The following DNAI4 variants were observed in gnomAD, a reference collection of about 807,000 sequenced individuals.
DNAI4 encodes WD repeat domain 78.
A neutral mutation model predicts 105.8 loss-of-function variants in DNAI4; 85 were observed. The ratio of observed to expected loss-of-function variants is 0.80; its 90% CI spans 0.67 to 0.96. DNAI4 has a LOEUF of 0.96. Ranked by LOEUF, DNAI4 falls within the 40% of genes least tolerant of loss-of-function variation. DNAI4 has a pLI of 0.00. For missense variants in DNAI4, 1,014 were observed against 1,005.6 expected (o/e 1.01, Z -0.11); for synonymous variants, 352 against 331.5 (o/e 1.06, Z -0.67).
At chr1:66,841,001 G>A (rs1646137967) in intron 8 of DNAI4, among the ~76,000 whole-genome samples, 1 of 152,144 alleles carries the variant, frequency 6.6e-6, no homozygotes. Flanking sequence ...AAGGTGCCAG[G>A]TACAACTTAT....
At chr1:66,819,594 C>T (rs891697461) in intron 16 of DNAI4, among the ~76,000 whole-genome samples, 2 of 151,974 alleles carry the variant, frequency 1.3e-5, no homozygotes, top group African/African-American at 4.8e-5. Context: ...CCAAGGGGCT[C>T]ATACTAGTAA....
Position 66,835,117 on chromosome 1 carries a change from G to A in DNAI4, c.1733+509C>T, listed in dbSNP as rs544712795. Among the ~76,000 whole-genome samples, 23 of 152,128 alleles carry A rather than the reference G, an allele frequency of 1.5e-4. 1 individual carries two copies. The South Asian group carries it at 4.8e-3, about 32-fold the overall frequency. On this transcript the variant is annotated intron_variant, in intron 11 of 16. Coordinates refer to ENST00000371026, the MANE Select transcript of DNAI4 (RefSeq NM_024763.5). ...ACTGGACTCCTGTTACATGTCCCAT[G>A]TTATATGACATGCTGATGACAGAAA...
intron 4 of DNAI4, among the ~76,000 whole-genome samples, chr1:66,878,707 C>T (rs955434032): frequency 2.0e-4 from 30 of 152,132 alleles, no homozygotes; most frequent in African/African-American, 6.5e-4. Context: ...TCCCTTCTTG[C>T]TTTCTGTAAT....
intron 16 of DNAI4, among the ~76,000 whole-genome samples, chr1:66,816,612 C>T (rs906537295): frequency 6.6e-6 from 1 of 151,898 alleles, no homozygotes; most frequent in East Asian, 1.9e-4. Flanking sequence ...AACCCTAAGC[C>T]TTTCAAATAT....
At chr1:66,846,698 A>G (rs1460417216) in intron 8 of DNAI4, among the ~76,000 whole-genome samples, 1 of 152,210 alleles carries the variant, frequency 6.6e-6, no homozygotes, top group East Asian at 1.9e-4. Flanking sequence ...TGAGTGGTTT[A>G]GGATACATCA....
At chr1:66,892,212 G>GTT in intron 3 of DNAI4, among the ~76,000 whole-genome samples, 1 of 152,152 alleles carries the variant, frequency 6.6e-6, no homozygotes. Flanking sequence ...AGGATGTAAA[G>GTT]TTTATTGGAA....
intron 8 of DNAI4, among the ~76,000 whole-genome samples, chr1:66,841,398 A>C (rs1181961840): frequency 6.6e-6 from 1 of 152,358 alleles, no homozygotes; most frequent in East Asian, 1.9e-4. Context: ...GCTATGCACC[A>C]GGTACAAGAG....
intron 1 of DNAI4, among the ~76,000 whole-genome samples, chr1:66,910,707 T>C (rs755602410): frequency 3.3e-5 from 5 of 152,244 alleles, no homozygotes; most frequent in Non-Finnish European, 5.9e-5. Context: ...CCTTAGAACT[T>C]TTTACTATCT....
intron 7 of DNAI4, 139 bp downstream of exon 7, chr1:66,862,008 A>G: frequency 1.3e-6 from 1 of 782,264 alleles, no homozygotes; most frequent in Non-Finnish European, 2.0e-6. Flanking sequence ...CATGTGATAG[A>G]GTAATAGTGC....
chr1:66,896,265 G>A (rs1648330777), intron 2 of DNAI4, among the ~76,000 whole-genome samples: 2 of 152,090 alleles, frequency 1.3e-5, no homozygotes, highest in African/African-American at 2.4e-5. Context: ...TTTTTTAAAA[G>A]CTTTTTTACA....
intron 7 of DNAI4, among the ~76,000 whole-genome samples, chr1:66,856,452 G>A (rs1246070087): frequency 1.3e-5 from 2 of 151,824 alleles, no homozygotes; most frequent in African/African-American, 2.4e-5. Flanking sequence ...CAGCCTGGGC[G>A]ACAGAGCGAG....
At chr1:66,895,987 C>T (rs1925407) in intron 2 of DNAI4, among the ~76,000 whole-genome samples, 118,088 of 152,058 alleles carry the variant, frequency 0.78, 46,142 homozygotes, top group East Asian at 0.95. Context: ...GATTTCTCTA[C>T]GTTTGCAAGT....
intron 2 of DNAI4, among the ~76,000 whole-genome samples, chr1:66,902,548 T>G (rs1648912813): frequency 6.6e-6 from 1 of 152,166 alleles, no homozygotes; most frequent in Non-Finnish European, 1.5e-5. Context: ...AGACAGAAAT[T>G]TCTAATTTTA....
intron 15 of DNAI4, among the ~76,000 whole-genome samples, chr1:66,822,820 G>A (rs929949972): frequency 6.6e-5 from 10 of 151,976 alleles, no homozygotes; most frequent in African/African-American, 2.4e-4. Context: ...GTACCCAGAG[G>A]TTTGGTCAAA....
chr1:66,907,787 C>T (rs574899011), intron 1 of DNAI4, among the ~76,000 whole-genome samples: 1 of 152,306 alleles, frequency 6.6e-6, no homozygotes, highest in East Asian at 1.9e-4. Context: ...TTTTACCTGC[C>T]TTGCTACTTC....
At chr1:66,921,163 T>C (rs1000229669) in intron 1 of DNAI4, 2 of 152,150 alleles carry the variant, frequency 1.3e-5, no homozygotes, top group Admixed American at 6.5e-5. Flanking sequence ...GTGAGTAATG[T>C]AAGCAGAGAT....
chr1:66,871,059 A>G (rs920015773), intron 6 of DNAI4: 1 of 280,760 alleles, frequency 3.6e-6, no homozygotes, highest in African/African-American at 2.2e-5. Context: ...TTAAAATGTT[A>G]ATAGTTATGG....
At chr1:66,865,094 A>G (rs1646704965) in intron 6 of DNAI4, among the ~76,000 whole-genome samples, 1 of 152,206 alleles carries the variant, frequency 6.6e-6, no homozygotes, top group Non-Finnish European at 1.5e-5. Context: ...GAAAGTTTAC[A>G]CTAAAGAATT....
In DNAI4 at chr1:66,893,083, A is replaced by AAAAG. The variant is rs1557965528; in HGVS notation, c.530+145_530+146insCTTT. 6.1e-5 allele frequency: 24 copies of AAAAG among 392,104 alleles called. 1 individual carries two copies. Among genetic ancestry groups the AAAAG allele is most frequent in the African/African-American group, 5.2e-4 (23 of 44,612 alleles). 24.3% of individuals were successfully genotyped at this position (392,104 alleles called of 1,614,324 possible). A position where few individuals can be genotyped will look rare whatever the true frequency, so the allele number is the denominator to read the frequency against. ...AGAGAGAGAAAGAAAGAAAGAAAGA[A>AAAAG]AGAAAGAAAGAAAGAAAGAAAGAAA... is the stretch of plus-strand genomic sequence containing the variant. On this transcript the variant is annotated intron_variant, in intron 3 of 16. Transcript: ENST00000371026.
Sources: gnomAD v4.1 joint callset for allele counts (sites outside exome capture counted in the v4.1 genomes callset) on GRCh38, gnomAD v4.1.1 for gene constraint, MANE v1.5 for transcripts, NCBI Gene and HGNC (gene_info 2026-07-23, HGNC 2026-07-21) for gene names.